VOPP1: variants seen among roughly 807,000 people sequenced by gnomAD.
The protein encoded by VOPP1 is WW domain binding protein VOPP1.
Under a neutral mutation model 23.5 loss-of-function variants are expected in VOPP1, and 8 were observed. The ratio of observed to expected loss-of-function variants is 0.34; its 90% CI spans 0.20 to 0.61. The LOEUF is 0.61. Among genes scored for constraint, VOPP1 ranks in the 20% least tolerant of loss-of-function variants. The pLI, the probability that VOPP1 is intolerant of heterozygous loss-of-function variation, is 0.78. For synonymous variants in VOPP1, 83 were observed against 97.3 expected (o/e 0.85, Z 0.86); for missense variants, 174 against 238.1 (o/e 0.73, Z 1.77).
intron 2 of VOPP1, among the ~76,000 whole-genome samples, chr7:55,499,251 G>A (rs903403662): frequency 4.6e-5 from 7 of 152,152 alleles, no homozygotes; most frequent in Non-Finnish European, 8.8e-5. Context: ...TCAGGAGTTC[G>A]AGACCAGCCT....
rs74502152 is a variant in VOPP1 at position 55,511,085 on chromosome 7, T to C, written c.113+9987A>G. On this transcript the variant is annotated intron_variant, in intron 2 of 4. Transcript: ENST00000285279. ...TGCATAGTCCAGGTATCCACCTTGG[T>C]TTCAGAACCTTGTAAAGGTTTTGAC... Among the ~76,000 whole-genome samples the C allele has an allele frequency of 2.4e-3, 372 of 152,332 alleles. 3 individuals carry two copies. The highest frequency in any genetic ancestry group is 0.022 in the East Asian group (112 of 5,184).
intron 1 of VOPP1, among the ~76,000 whole-genome samples, chr7:55,569,441 A>G (rs1198933110): frequency 1.3e-5 from 2 of 152,246 alleles, no homozygotes; most frequent in Non-Finnish European, 2.9e-5. Flanking sequence ...GATGTAGAGC[A>G]TGCAAATTCC....
chr7:55,516,977 A>C (rs1795496333), intron 2 of VOPP1, among the ~76,000 whole-genome samples: 1 of 104,354 alleles, frequency 9.6e-6, no homozygotes, highest in African/African-American at 3.8e-5. Flanking sequence ...ACGGAGTCTC[A>C]CTGTGTAGCC....
At chr7:55,435,938 C>A (rs1450414888), downstream of VOPP1, 1 of 152,290 alleles carries the variant, frequency 6.6e-6, no homozygotes, top group Non-Finnish European at 1.5e-5. Context: ...CTCTGCAGCA[C>A]GGCAGAAGCC....
intron 1 of VOPP1, among the ~76,000 whole-genome samples, chr7:55,559,984 C>A (rs1797931709): frequency 6.6e-6 from 1 of 152,210 alleles, no homozygotes; most frequent in African/African-American, 2.4e-5. Context: ...GAAACCCCAT[C>A]TCCACTAAAA....
chr7:55,567,971 C>T (rs1397046124), intron 1 of VOPP1, among the ~76,000 whole-genome samples: 1 of 152,120 alleles, frequency 6.6e-6, no homozygotes, highest in Non-Finnish European at 1.5e-5. Context: ...TTCCAGACTC[C>T]CAGGCATCAA....
chr7:55,470,953 T>C lies in VOPP1; in HGVS notation c.*1902A>G, dbSNP rs1350743625. 6.6e-6 allele frequency: 1 copy of C among 152,404 alleles called. No individual in the cohort carries two copies. The highest frequency in any genetic ancestry group is 1.5e-5 in the Non-Finnish European group (1 of 68,034). The allele number at this position is 152,404 out of a possible 1,614,324, so 9.4% of individuals were successfully genotyped here. ...ACACAAACATGGGAATACAAAATTG[T>C]TGAGCCCTAGCCATCACTGTCTCTT... On this transcript the variant is annotated 3_prime_UTR_variant, in exon 5 of 5. Transcript: ENST00000285279.
chr7:55,572,174 C>A (rs1455793972), intron 1 of VOPP1, 97 bp downstream of exon 1: 4 of 1,025,006 alleles, frequency 3.9e-6, no homozygotes, highest in East Asian at 6.6e-5. Context: ...TCTGCGCTCC[C>A]AGGCAAGGTC....
chr7:55,501,235 A>AAAGT (rs565284640), intron 2 of VOPP1, among the ~76,000 whole-genome samples: 1,673 of 152,370 alleles, frequency 0.011, 11 homozygotes, highest in Middle Eastern at 0.02. Flanking sequence ...GACATATAAT[A>AAAGT]AAGATGCGAT....
intron 1 of VOPP1, chr7:55,561,815 T>TAGGGAGTAGCTTGCCC: frequency 1.7e-6 from 1 of 584,522 alleles, no homozygotes; most frequent in Non-Finnish European, 3.1e-6. Flanking sequence ...GTAGCTTGCC[T>TAGGGAGTAGCTTGCCC]AGGGAGTAGC....
chr7:55,508,434 A>T (rs1348429248), intron 2 of VOPP1, among the ~76,000 whole-genome samples: 1 of 152,128 alleles, frequency 6.6e-6, no homozygotes, highest in African/African-American at 2.4e-5. Flanking sequence ...CGCCCAGCTA[A>T]TTACAAAAAT....
intron 2 of VOPP1, among the ~76,000 whole-genome samples, chr7:55,519,716 C>G (rs1795713457): frequency 6.6e-6 from 1 of 152,226 alleles, no homozygotes; most frequent in Non-Finnish European, 1.5e-5. Context: ...CGCCATGGGG[C>G]ACACTGACTC....
intron 1 of VOPP1, among the ~76,000 whole-genome samples, chr7:55,557,696 T>G (rs2129055438): frequency 6.6e-6 from 1 of 152,192 alleles, no homozygotes; most frequent in South Asian, 2.1e-4. Context: ...ACAAAACACA[T>G]ACATAAGAAA....
At position 55,572,459 on chromosome 7, in the gene VOPP1, G is replaced by C. The variant is rs1390548085; in HGVS notation, c.-135C>G. The C allele has an allele frequency of 2.3e-5, 12 of 517,344 alleles. No homozygotes were observed. Among genetic ancestry groups the C allele is most frequent in the Non-Finnish European group, 2.7e-5 (11 of 402,340 alleles). The allele number at this position is 517,344 out of a possible 1,614,324, so 32.0% of individuals were successfully genotyped here. On this transcript the variant is annotated 5_prime_UTR_variant, in exon 1 of 5. Transcript: ENST00000285279. ...CGACCGCTGGGGGGCCCGGCTGGGA[G>C]CGGGCGGGAGCCGGGGCGCGCCGCG...
At chr7:55,531,129 A>T (rs911216458) in intron 1 of VOPP1, among the ~76,000 whole-genome samples, 2 of 152,374 alleles carry the variant, frequency 1.3e-5, no homozygotes, top group Admixed American at 6.5e-5. Flanking sequence ...TCATGTGACA[A>T]ATTTTCCAAA....
At chr7:55,490,263 C>T (rs534933120) in intron 4 of VOPP1, among the ~76,000 whole-genome samples, 7 of 152,206 alleles carry the variant, frequency 4.6e-5, no homozygotes, top group African/African-American at 1.7e-4. Context: ...GCAGGCACTG[C>T]TCCAGGGTGA....
chr7:55,480,944 G>C (rs560288503), intron 4 of VOPP1, among the ~76,000 whole-genome samples: 1 of 152,336 alleles, frequency 6.6e-6, no homozygotes, highest in East Asian at 1.9e-4. Context: ...AGGTTAGTTG[G>C]TGATAAGTGC....
intron 1 of VOPP1, among the ~76,000 whole-genome samples, chr7:55,543,361 A>C (rs1004080583): frequency 2.0e-5 from 3 of 152,208 alleles, no homozygotes; most frequent in African/African-American, 7.2e-5. Flanking sequence ...GGGAGTACAA[A>C]TATCTCTTCA....
At chr7:55,539,853 T>C (rs886812785) in intron 1 of VOPP1, among the ~76,000 whole-genome samples, 1 of 151,236 alleles carries the variant, frequency 6.6e-6, no homozygotes, top group Admixed American at 6.6e-5. Context: ...TACACGCATA[T>C]TTGTCATACA....
Sources: allele counts gnomAD v4.1 joint callset (sites outside exome capture counted in the v4.1 genomes callset), GRCh38; gene constraint gnomAD v4.1.1; transcripts MANE v1.5; gene names NCBI Gene and HGNC (gene_info 2026-07-23, HGNC 2026-07-21).